The following SHROOM3 variants were observed in gnomAD, a reference collection of about 807,000 sequenced individuals.
SHROOM3 encodes the protein protein Shroom3.
SHROOM3 carries 47 observed loss-of-function variants against 138.6 expected under a neutral mutation model. That is an observed-to-expected ratio of 0.34 (90% confidence interval 0.27 to 0.43). The LOEUF is 0.43. Ranked by LOEUF, SHROOM3 falls within the 20% of genes least tolerant of loss-of-function variation. The pLI is 1.00. For missense variants in SHROOM3, 2,491 were observed against 2,596.5 expected (o/e 0.96, Z 0.88); for synonymous variants, 1,062 against 1,063.3 (o/e 1.00, Z 0.02).
chr4:76,467,258 G>C (rs1470764886), intron 1 of SHROOM3, among the ~76,000 whole-genome samples: 1 of 151,898 alleles, frequency 6.6e-6, no homozygotes, highest in African/African-American at 2.4e-5. Context: ...TGTTGCCCAG[G>C]CTGCTCTTGA....
At chr4:76,513,039 A>T (rs1262602502) in intron 1 of SHROOM3, among the ~76,000 whole-genome samples, 3 of 152,160 alleles carry the variant, frequency 2.0e-5, no homozygotes, top group Non-Finnish European at 2.9e-5. Flanking sequence ...CATGGTGCTA[A>T]GTCACCCTCC....
intron 1 of SHROOM3, among the ~76,000 whole-genome samples, chr4:76,541,294 C>T (rs764693576): frequency 2.0e-5 from 3 of 148,992 alleles, no homozygotes; most frequent in Admixed American, 6.7e-5. Context: ...ATGGAATAAA[C>T]GTGCTAAGAT....
At chr4:76,436,725 A>C (rs188156529) in intron 1 of SHROOM3, among the ~76,000 whole-genome samples, 22 of 152,358 alleles carry the variant, frequency 1.4e-4, no homozygotes, top group Non-Finnish European at 2.8e-4. Flanking sequence ...AGCATAACTC[A>C]AGATCAAAAC....
chr4:76,542,673 G>T (rs1397003811), intron 1 of SHROOM3, among the ~76,000 whole-genome samples: 1 of 152,216 alleles, frequency 6.6e-6, no homozygotes, highest in Admixed American at 6.5e-5. Context: ...CTCCAGAAAA[G>T]AACACAGCTA....
chr4:76,496,957 T>A (rs1196132786), intron 1 of SHROOM3, among the ~76,000 whole-genome samples: 1 of 152,234 alleles, frequency 6.6e-6, no homozygotes, highest in African/African-American at 2.4e-5. Flanking sequence ...CTTGATAGCA[T>A]GTAACCTCTA....
At chr4:76,709,156 A>G (rs1415183693) in intron 2 of SHROOM3, among the ~76,000 whole-genome samples, 1 of 152,232 alleles carries the variant, frequency 6.6e-6, no homozygotes, top group Non-Finnish European at 1.5e-5. Context: ...GGCCAGATGG[A>G]CGGGGCTTAT....
At chr4:76,623,673 G>A (rs923123709) in intron 2 of SHROOM3, among the ~76,000 whole-genome samples, 1 of 152,128 alleles carries the variant, frequency 6.6e-6, no homozygotes, top group African/African-American at 2.4e-5. Context: ...CCCATTAACT[G>A]ACAAACATGA....
intron 7 of SHROOM3, 51 bp from the exon 8 acceptor site, chr4:76,756,396 ACT>A (rs564263884): frequency 9.8e-6 from 13 of 1,325,980 alleles, no homozygotes; most frequent in Admixed American, 4.6e-5. Context: ...TTCTCTTATC[ACT>A]CTCTCTTTCT....
chr4:76,779,230 A>T lies in SHROOM3; in HGVS notation c.*53A>T. 6.5e-7 allele frequency: 1 copy of T among 1,538,268 alleles called. No individual in the cohort carries two copies. The highest frequency in any genetic ancestry group is 8.7e-7 in the Non-Finnish European group (1 of 1,145,176). ...TCACTGTTTCTCTCAACACTATTTA[A>T]TCTGAAAAATGTTTCAGTACAAACC... is the stretch of plus-strand genomic sequence containing the variant. On this transcript the variant is annotated 3_prime_UTR_variant, in exon 11 of 11. Coordinates refer to ENST00000296043, the MANE Select transcript of SHROOM3 (RefSeq NM_020859.4).
chr4:76,537,529 A>C (rs953961712), intron 1 of SHROOM3, among the ~76,000 whole-genome samples: 3 of 152,232 alleles, frequency 2.0e-5, no homozygotes, highest in Middle Eastern at 3.2e-3. Flanking sequence ...CATAGGCAGA[A>C]CAGGGACACC....
intron 2 of SHROOM3, chr4:76,688,775 A>C (rs1286788481): frequency 1.0e-6 from 1 of 985,240 alleles, no homozygotes; most frequent in Non-Finnish European, 1.2e-6. Flanking sequence ...AATCTCTCGA[A>C]ATTACAGTCA....
At chr4:76,484,928 C>A (rs2109989969) in intron 1 of SHROOM3, among the ~76,000 whole-genome samples, 1 of 152,278 alleles carries the variant, frequency 6.6e-6, no homozygotes, top group South Asian at 2.1e-4. Context: ...AAGCTGCTGA[C>A]CCTTTCTGCT....
intron 1 of SHROOM3, among the ~76,000 whole-genome samples, chr4:76,467,886 G>A (rs1018603117): frequency 7.2e-5 from 11 of 152,172 alleles, no homozygotes; most frequent in Admixed American, 2.6e-4. Flanking sequence ...TCCAAGGAGT[G>A]CATAAAACTT....
At chr4:76,571,640 A>C (rs1172945180) in intron 2 of SHROOM3, among the ~76,000 whole-genome samples, 1 of 152,218 alleles carries the variant, frequency 6.6e-6, no homozygotes, top group Non-Finnish European at 1.5e-5. Context: ...CACTCCTTTC[A>C]AAACAAAACA....
At chr4:76,552,908 C>T (rs57586658) in intron 1 of SHROOM3, among the ~76,000 whole-genome samples, 2 of 152,182 alleles carry the variant, frequency 1.3e-5, no homozygotes, top group African/African-American at 4.8e-5. Context: ...GCATGTGACC[C>T]AGATCGAGCC....
At chr4:76,492,089 A>G (rs1731865590) in intron 1 of SHROOM3, among the ~76,000 whole-genome samples, 3 of 152,234 alleles carry the variant, frequency 2.0e-5, no homozygotes, top group Admixed American at 1.3e-4. Flanking sequence ...TTAGGTTTCA[A>G]TAGTGCAATG....
intron 2 of SHROOM3, chr4:76,689,658 GC>G: frequency 1.0e-6 from 1 of 985,366 alleles, no homozygotes; most frequent in Non-Finnish European, 1.2e-6. Context: ...TCGGCCTGGA[GC>G]CCCGAGCAGC....
chr4:76,701,705 GTCTC>G (rs751065636), intron 2 of SHROOM3, among the ~76,000 whole-genome samples: 1 of 152,160 alleles, frequency 6.6e-6, no homozygotes, highest in Non-Finnish European at 1.5e-5. Flanking sequence ...GGAGGTATTT[GTCTC>G]TCTCTACTGA....
chr4:76,667,153 T>C (rs1332345735), intron 2 of SHROOM3, among the ~76,000 whole-genome samples: 2 of 151,998 alleles, frequency 1.3e-5, no homozygotes, highest in East Asian at 3.9e-4. Context: ...GTAAAAGAGT[T>C]CTGAGTACAA....
Sources: allele counts gnomAD v4.1 joint callset (sites outside exome capture counted in the v4.1 genomes callset), GRCh38; gene constraint gnomAD v4.1.1; transcripts MANE v1.5; gene names NCBI Gene and HGNC (gene_info 2026-07-23, HGNC 2026-07-21).